KIF21A: variants seen among roughly 807,000 people sequenced by gnomAD.
KIF21A encodes the protein kinesin-like protein KIF21A.
Under a neutral mutation model 202.9 loss-of-function variants are expected in KIF21A, and 114 were observed. The ratio of observed to expected loss-of-function variants is 0.56; its 90% confidence interval spans 0.48 to 0.66. The LOEUF is 0.66. Among genes scored for constraint, KIF21A ranks in the 30% least tolerant of loss-of-function variants. The pLI, the probability that KIF21A is intolerant of heterozygous loss-of-function variation, is 0.00. For synonymous variants in KIF21A, 667 were observed against 670.8 expected (o/e 0.99, Z 0.09); for missense variants, 1,677 against 1,994.9 (o/e 0.84, Z 3.04).
chr12:39,352,009 G>C (rs1206207049), intron 10 of KIF21A, 29 bp from the exon 11 acceptor site: 2 of 1,511,372 alleles, frequency 1.3e-6, no homozygotes, highest in Admixed American at 1.7e-5. Context: ...TTTAAATAGG[G>C]AGCATTTTTC....
intron 37 of KIF21A, among the ~76,000 whole-genome samples, chr12:39,299,272 C>T (rs370741873): frequency 7.9e-5 from 12 of 151,640 alleles, no homozygotes; most frequent in East Asian, 3.9e-4. Flanking sequence ...AGGAAAAAAA[C>T]GAAAAACCCA....
At chr12:39,388,565 G>A (rs931905117) in intron 1 of KIF21A, among the ~76,000 whole-genome samples, 1 of 152,134 alleles carries the variant, frequency 6.6e-6, no homozygotes, top group African/African-American at 2.4e-5. Context: ...AAGATAGAAG[G>A]AGCCTTAGTC....
chr12:39,335,766 T>TA (rs1946910552), intron 17 of KIF21A, among the ~76,000 whole-genome samples: 1 of 152,126 alleles, frequency 6.6e-6, no homozygotes, highest in Admixed American at 6.5e-5. Flanking sequence ...AACAAATCGA[T>TA]AAAAACACAA....
chr12:39,391,193 C>T (rs1197149878), intron 1 of KIF21A, among the ~76,000 whole-genome samples: 7 of 152,118 alleles, frequency 4.6e-5, no homozygotes, highest in East Asian at 1.9e-4. Flanking sequence ...GGTTCCTGAG[C>T]TTAGATAGAG....
At chr12:39,333,507 T>C (rs1159913486) in intron 17 of KIF21A, among the ~76,000 whole-genome samples, 2 of 152,194 alleles carry the variant, frequency 1.3e-5, no homozygotes, top group Admixed American at 6.5e-5. Context: ...AGGTTATCTC[T>C]GTGTTACATA....
chr12:39,441,187 G>T (rs1939523990), intron 1 of KIF21A, among the ~76,000 whole-genome samples: 1 of 152,026 alleles, frequency 6.6e-6, no homozygotes, highest in African/African-American at 2.4e-5. Context: ...CACCTAAAAA[G>T]TCCTAACATA....
At chr12:39,399,892 AT>A (rs1487658797) in intron 1 of KIF21A, among the ~76,000 whole-genome samples, 12 of 152,342 alleles carry the variant, frequency 7.9e-5, no homozygotes, top group Admixed American at 4.6e-4. Context: ...ATTAAAATAT[AT>A]TTTTATGTGA....
chr12:39,420,043 T>A (rs1049998411), intron 1 of KIF21A, among the ~76,000 whole-genome samples: 3 of 139,632 alleles, frequency 2.1e-5, no homozygotes, highest in Non-Finnish European at 4.5e-5. Flanking sequence ...TGGCAACTGC[T>A]TCTCACCTGG....
intron 32 of KIF21A, 80 bp from the exon 33 acceptor site, chr12:39,309,846 A>G: frequency 1.7e-6 from 2 of 1,188,866 alleles, no homozygotes; most frequent in South Asian, 2.7e-5. Flanking sequence ...AATTATTTAA[A>G]TAATTTCTCT....
rs1939094068 is a variant in KIF21A, at chr12:39,438,265, C to G, written c.44+4662G>C. On this transcript the variant is annotated intron_variant, in intron 1 of 37. Transcript: ENST00000361418. Reference sequence around the variant, plus strand: ...TGTTTATTCTTCAGTAATAAGGATACCTAAAGAAATTATATTATTAGGAAA... The same window carrying G: ...TGTTTATTCTTCAGTAATAAGGATAGCTAAAGAAATTATATTATTAGGAAA... 1.3e-5 allele frequency among the ~76,000 whole-genome samples: 2 copies of G among 152,048 alleles called. 1 individual carries two copies.
chr12:39,340,392 GT>G lies in KIF21A; in HGVS notation c.2111-29del, dbSNP rs141527814. 3,136 of 1,524,560 alleles carry G rather than the reference GT, an allele frequency of 2.1e-3. 64 individuals carry two copies. The African/African-American group carries it at 0.035, about 17-fold the overall frequency. 94.4% of individuals were successfully genotyped at this position (1,524,560 alleles called of 1,614,324 possible). ...AAATGACCAGAGGACATTTTTATAT[GT>G]TTTTTTGTGAGACACAGATTTTTAT... On this transcript the variant is annotated intron_variant, in intron 15 of 37. Coordinates refer to ENST00000361418, the MANE Select transcript of KIF21A (RefSeq NM_001173464.2).
At chr12:39,307,854 G>A (rs1036008972) in intron 33 of KIF21A, 125 bp from the exon 34 acceptor site, 3 of 745,038 alleles carry the variant, frequency 4.0e-6, no homozygotes, top group Non-Finnish European at 4.7e-6. Flanking sequence ...GTCACTATAT[G>A]TATACTACCT....
rs901197536 is a variant in KIF21A at position 39,293,519 on chromosome 12, C to G, written c.*905G>C. 1 of 152,502 alleles carries G rather than the reference C, an allele frequency of 6.6e-6. No homozygotes were observed. The highest frequency in any genetic ancestry group is 2.4e-5 in the African/African-American group (1 of 41,380). 9.4% of individuals were successfully genotyped at this position (152,502 alleles called of 1,614,324 possible). ...TTTCCCACCACAGATGATAATAGCT[C>G]TCATCATAGCTACCAAGGTTCGCAA... is the stretch of plus-strand genomic sequence containing the variant. On this transcript the variant is annotated 3_prime_UTR_variant, in exon 38 of 38. Coordinates refer to ENST00000361418, the MANE Select transcript of KIF21A (RefSeq NM_001173464.2).
intron 1 of KIF21A, among the ~76,000 whole-genome samples, chr12:39,390,558 G>C (rs905788623): frequency 1.3e-5 from 2 of 151,988 alleles, no homozygotes; most frequent in Admixed American, 6.6e-5. Context: ...CCACAACATT[G>C]TGGGATAAAC....
At chr12:39,388,196 G>A (rs370874678) in intron 1 of KIF21A, among the ~76,000 whole-genome samples, 15 of 152,096 alleles carry the variant, frequency 9.9e-5, no homozygotes, top group African/African-American at 3.6e-4. Context: ...GGGACCGGAG[G>A]CAGTGTGAGT....
chr12:39,368,502 C>T (rs978560285), intron 3 of KIF21A, among the ~76,000 whole-genome samples: 1 of 152,030 alleles, frequency 6.6e-6, no homozygotes, highest in Non-Finnish European at 1.5e-5. Flanking sequence ...ATTAGTGTTC[C>T]TGTATCAATA....
At chr12:39,405,997 C>A (rs1461132531) in intron 1 of KIF21A, among the ~76,000 whole-genome samples, 3 of 152,068 alleles carry the variant, frequency 2.0e-5, no homozygotes, top group East Asian at 1.9e-4. Flanking sequence ...CGTGTCTTTG[C>A]AGATTTCCTT....
chr12:39,422,554 T>A (rs771651037), intron 1 of KIF21A, among the ~76,000 whole-genome samples: 1 of 152,062 alleles, frequency 6.6e-6, no homozygotes, highest in Non-Finnish European at 1.5e-5. Context: ...AATCATCAAT[T>A]ACCCTCCCAC....
intron 1 of KIF21A, among the ~76,000 whole-genome samples, chr12:39,379,918 A>G (rs1183004306): frequency 6.6e-6 from 1 of 152,178 alleles, no homozygotes; most frequent in Non-Finnish European, 1.5e-5. Context: ...TTTCCTATTG[A>G]GATCCTGATC....
Sources: gnomAD v4.1 joint callset for allele counts (sites outside exome capture counted in the v4.1 genomes callset) on GRCh38, gnomAD v4.1.1 for gene constraint, MANE v1.5 for transcripts, NCBI Gene and HGNC (gene_info 2026-07-23, HGNC 2026-07-21) for gene names.